ANKRD30A: variants seen among roughly 807,000 people sequenced by gnomAD.
ANKRD30A encodes the protein ankyrin repeat domain 30A.
ANKRD30A carries 170 observed loss-of-function variants against 166.3 expected under a neutral mutation model. The observed-to-expected ratio is 1.02, with a 90% CI of 0.90 to 1.16. The LOEUF (loss-of-function observed/expected upper bound fraction) is 1.16. Ranked by LOEUF, ANKRD30A falls within the 50% of genes most tolerant of loss-of-function variation. The pLI is 0.00. For synonymous variants in ANKRD30A, 564 were observed against 508.9 expected (o/e 1.11, Z -1.46); for missense variants, 1,630 against 1,518.0 (o/e 1.07, Z -1.23).
At position 37,162,764 on chromosome 10, in the gene ANKRD30A, A is replaced by G; in HGVS notation, c.1930-12A>G. 6.2e-7 allele frequency: 1 copy of G among 1,613,760 alleles called. No individual in the cohort carries two copies. Among genetic ancestry groups the G allele is most frequent in the Non-Finnish European group, 8.5e-7 (1 of 1,179,798 alleles). On this transcript the variant is annotated splice_polypyrimidine_tract_variant and intron_variant, in intron 16 of 35. Coordinates refer to ENST00000361713, the MANE Select transcript of ANKRD30A (RefSeq NM_052997.3). ...ATTCTTTATTAATCATTTTGCTTCC[A>G]ACCCCATTTAGCCTGCCACTGAAAT...
In ANKRD30A at chr10:37,141,747, G is replaced by C; in HGVS notation, c.850G>C (p.Ala284Pro). The change falls in exon 7 of 36, where the codon GCT (alanine) becomes CCT (proline). Residue 284 changes from alanine (A) to proline (P), a missense_variant. By Grantham distance (27) the Ala-to-Pro change is conservative. Around this residue, in one of 4 missense-constraint regions of ANKRD30A, gnomAD observed 904 missense variants for 818.5 expected, o/e 1.10. Transcript: ENST00000361713. The part of the protein sequence containing the change: ...EGTSAGTPDE[A>P]APLAERTPDT... Reference sequence around the variant, plus strand: ...AACATCTGCAGGAACACCTGATGAGGCTGCACCCTTGGCGGAAAGAACACC... The same window carrying C: ...AACATCTGCAGGAACACCTGATGAGCCTGCACCCTTGGCGGAAAGAACACC... 1 of 1,611,978 alleles carries C rather than the reference G, an allele frequency of 6.2e-7. No individual in the cohort carries two copies. Among genetic ancestry groups the C allele is most frequent in the Admixed American group, 1.7e-5 (1 of 59,994 alleles).
In ANKRD30A at chr10:37,219,447, C is replaced by T. The variant is rs753881842; in HGVS notation, c.3735C>T (p.Asn1245=). ...MNVDVSSTIY[N]NEVLHQPLSE... is the part of the protein sequence containing the mutation. ...TTGATGTGAGTAGTACGATATATAA[C>T]AATGAGGTGCTCCATCAACCACTTT... Residue 1245 remains asparagine, a synonymous_variant, in exon 34 of 36, where the codon AAC becomes AAT. Coordinates refer to ENST00000361713, the MANE Select transcript of ANKRD30A (RefSeq NM_052997.3). 1 of 1,610,246 alleles carries T rather than the reference C, an allele frequency of 6.2e-7. No individual in the cohort carries two copies. The highest frequency in any genetic ancestry group is 8.5e-7 in the Non-Finnish European group (1 of 1,177,634).
rs1157443186 is a variant in ANKRD30A at position 37,216,161 on chromosome 10, G to T, written c.2870-20G>T. ...CCAAAAGTACTAATATATTTTATTT[G>T]TATCTCCTCCTTGAGACAGATTCAA... is the stretch of plus-strand genomic sequence containing the variant. On this transcript the variant is annotated intron_variant, in intron 31 of 35. Coordinates refer to ENST00000361713, the MANE Select transcript of ANKRD30A (RefSeq NM_052997.3). The T allele has an allele frequency of 6.6e-7, 1 of 1,517,526 alleles. No homozygotes were observed. The allele number at this position is 1,517,526 out of a possible 1,614,324, so 94.0% of individuals were successfully genotyped here. A position where few individuals can be genotyped will look rare whatever the true frequency, so the allele number is the denominator to read the frequency against.
intron 34 of ANKRD30A, among the ~76,000 whole-genome samples, chr10:37,226,600 T>C (rs1843166028): frequency 6.6e-6 from 1 of 151,910 alleles, no homozygotes; most frequent in Non-Finnish European, 1.5e-5. Flanking sequence ...CATCAGTTGA[T>C]AGATCTTTAG....
rs186307189 is a variant in ANKRD30A at position 37,198,877 on chromosome 10, T to C, written c.2717-850T>C. 2.1e-4 allele frequency among the ~76,000 whole-genome samples: 32 copies of C among 152,242 alleles called. 1 individual carries two copies. The East Asian group carries it at 6.0e-3, about 28-fold the overall frequency. ...TTTAACCTGATTCAAATAGTTGTAA[T>C]TTGTACTTTGTGCTGATAAAGAAAC... On this transcript the variant is annotated intron_variant, in intron 29 of 35. Transcript: ENST00000361713.
intron 4 of ANKRD30A, 140 bp downstream of exon 4, chr10:37,132,486 C>A: frequency 2.0e-6 from 1 of 509,952 alleles, no homozygotes; most frequent in Non-Finnish European, 3.3e-6. Flanking sequence ...AGAAGAAAAG[C>A]AATTATTTGG....
intron 12 of ANKRD30A, among the ~76,000 whole-genome samples, chr10:37,153,095 A>G (rs1838078824): frequency 6.6e-6 from 1 of 152,146 alleles, no homozygotes; most frequent in African/African-American, 2.4e-5. Context: ...ACATTCTGTG[A>G]CAGACTCTAA....
chr10:37,191,767 G>C (rs1840597423), intron 25 of ANKRD30A, among the ~76,000 whole-genome samples: 1 of 151,930 alleles, frequency 6.6e-6, no homozygotes, highest in African/African-American at 2.4e-5. Context: ...AGGCAAAGGT[G>C]GGTGGATCAC....
chr10:37,192,497 A>G (rs1269137872), intron 25 of ANKRD30A, among the ~76,000 whole-genome samples: 4 of 152,104 alleles, frequency 2.6e-5, no homozygotes, highest in African/African-American at 9.7e-5. Flanking sequence ...TTATTCTATA[A>G]GTAGAAATGC....
intron 29 of ANKRD30A, among the ~76,000 whole-genome samples, chr10:37,199,339 A>T (rs957842274): frequency 3.9e-5 from 6 of 152,078 alleles, no homozygotes; most frequent in African/African-American, 1.4e-4. Flanking sequence ...TGCTGAGTCA[A>T]TCAACGTAAG....
In ANKRD30A at chr10:37,141,885, T is replaced by A; in HGVS notation, c.988T>A (p.Ser330Thr). The stretch of plus-strand genomic sequence containing the variant: ...GGAAAAAACACCTGATGAGGCTGCA[T>A]CCTTGGTGGAGGGAACATCTGACAA... ...LVEKTPDEAA[S>T]LVEGTSDKIQ... is the part of the protein sequence containing the mutation. Residue 330 changes from serine to threonine, a missense_variant, in exon 7 of 36, where the codon TCC becomes ACC. Transcript: ENST00000361713. 6.3e-7 allele frequency: 1 copy of A among 1,582,092 alleles called. No homozygotes were observed. The highest frequency in any genetic ancestry group is 1.1e-5 in the South Asian group (1 of 89,818).
chr10:37,263,451 T>C, the ANKRD30A span, among the ~76,000 whole-genome samples: 23 of 151,744 alleles, frequency 1.5e-4, no homozygotes, highest in African/African-American at 5.1e-4. Context: ...CTCACCATAA[T>C]ACAGAATCAG....
At chr10:37,227,531 CTT>C (rs1348539099) in intron 34 of ANKRD30A, among the ~76,000 whole-genome samples, 1 of 151,892 alleles carries the variant, frequency 6.6e-6, no homozygotes, top group Non-Finnish European at 1.5e-5. Flanking sequence ...TATGAGAACT[CTT>C]TTTCAATCAT....
intron 11 of ANKRD30A, 144 bp from the exon 12 acceptor site, chr10:37,151,916 G>A (rs1837967148): frequency 4.8e-6 from 3 of 620,092 alleles, no homozygotes; most frequent in Non-Finnish European, 8.1e-6. Context: ...GACTATAGAA[G>A]TAGTTATTGT....
At position 37,142,149 on chromosome 10, in the gene ANKRD30A, G is replaced by T. The variant is rs372362957; in HGVS notation, c.1252G>T (p.Ala418Ser). The change falls in exon 7 of 36, where the codon GCA (alanine) becomes TCA (serine). Residue 418 changes from alanine (A) to serine (S), a missense_variant. Around this residue, in one of 4 missense-constraint regions of ANKRD30A, gnomAD observed 904 missense variants for 818.5 expected, o/e 1.10. Coordinates refer to ENST00000361713, the MANE Select transcript of ANKRD30A (RefSeq NM_052997.3). ...AGCAAAAGGAAGACCTAGGAAGATCGCATGGGAGAAAAAAGAAACACCTGT... is the reference window on the plus strand; with the variant it reads ...AGCAAAAGGAAGACCTAGGAAGATCTCATGGGAGAAAAAAGAAACACCTGT... Reference protein sequence around the residue: ...WAAKGRPRKIAWEKKETPVKT... With the variant: ...WAAKGRPRKISWEKKETPVKT... 3 of 1,614,080 alleles carry T rather than the reference G, an allele frequency of 1.9e-6. No homozygotes were observed. Among genetic ancestry groups the T allele is most frequent in the South Asian group, 1.1e-5 (1 of 91,068 alleles).
chr10:37,149,625 G>A (rs1837764698), intron 9 of ANKRD30A, 26 bp from the exon 10 acceptor site: 1 of 1,607,958 alleles, frequency 6.2e-7, no homozygotes. Context: ...ACTTATGATT[G>A]ATGATAAATC....
At chr10:37,207,442 T>C (rs924862152) in intron 31 of ANKRD30A, among the ~76,000 whole-genome samples, 6 of 152,114 alleles carry the variant, frequency 3.9e-5, no homozygotes, top group Non-Finnish European at 7.4e-5. Context: ...CTTGTAAAAT[T>C]TTCCTTGTGT....
intron 29 of ANKRD30A, among the ~76,000 whole-genome samples, chr10:37,198,146 G>T (rs979979062): frequency 2.0e-5 from 3 of 152,058 alleles, no homozygotes; most frequent in African/African-American, 2.4e-5. Context: ...TTGCCCAGAA[G>T]TAACCAATAT....
At chr10:37,155,478 G>C (rs1448219209) in intron 13 of ANKRD30A, among the ~76,000 whole-genome samples, 1 of 152,154 alleles carries the variant, frequency 6.6e-6, no homozygotes, top group East Asian at 1.9e-4. Flanking sequence ...CATCTGAACT[G>C]TGTGGCTTCT....
Sources: gnomAD v4.1 joint callset for allele counts (sites outside exome capture counted in the v4.1 genomes callset) on GRCh38, gnomAD v4.1.1 for gene constraint, gnomAD v4.1.1 regional missense constraint, MANE v1.5 for transcripts, NCBI Gene and HGNC (gene_info 2026-07-23, HGNC 2026-07-21) for gene names.